The following LRBA variants were observed in gnomAD, a reference collection of about 807,000 sequenced individuals.
The protein encoded by LRBA is lipopolysaccharide-responsive and beige-like anchor protein.
In LRBA, 176 loss-of-function variants were observed where a neutral mutation model predicts 330.0. That is an observed-to-expected ratio of 0.53 (90% CI 0.47 to 0.60). The LOEUF (loss-of-function observed/expected upper bound fraction) is 0.60. LRBA is among the 20% of genes least tolerant of loss of function. The probability of loss-of-function intolerance (pLI) is 0.00; values close to 1 mark genes in which losing one functional copy is unlikely to be tolerated. For synonymous variants in LRBA, 1,230 were observed against 1,193.0 expected, an observed-to-expected ratio of 1.03 and a Z score of -0.64; for missense variants, 3,259 against 3,444.8, an observed-to-expected ratio of 0.95 and a Z score of 1.35.
At chr4:150,842,476 A>C (rs1578965800) in intron 28 of LRBA, among the ~76,000 whole-genome samples, 2 of 152,298 alleles carry the variant, frequency 1.3e-5, no homozygotes, top group South Asian at 2.1e-4. Context: ...ATTTTTAAGG[A>C]TCATTCTAGG....
intron 36 of LRBA, among the ~76,000 whole-genome samples, chr4:150,711,685 T>C (rs1786235577): frequency 6.6e-6 from 1 of 152,178 alleles, no homozygotes; most frequent in African/African-American, 2.4e-5. Flanking sequence ...TAACTATAAA[T>C]AACTATTAAA....
chr4:150,330,656 T>A (rs915389516), intron 48 of LRBA, among the ~76,000 whole-genome samples: 1 of 152,120 alleles, frequency 6.6e-6, no homozygotes, highest in Non-Finnish European at 1.5e-5. Context: ...CTGTGGCTGA[T>A]GTGACAGGGG....
At chr4:150,608,506 G>A (rs1026768530) in intron 37 of LRBA, among the ~76,000 whole-genome samples, 1 of 152,162 alleles carries the variant, frequency 6.6e-6, no homozygotes, top group South Asian at 2.1e-4. Flanking sequence ...GCAGTCAGCG[G>A]GCACCATTAT....
intron 2 of LRBA, chr4:151,013,541 A>G (rs1217093032): frequency 6.6e-6 from 1 of 152,208 alleles, no homozygotes; most frequent in Non-Finnish European, 1.5e-5. Flanking sequence ...GTAGAATTGT[A>G]TAATATATGA....
chr4:150,918,226 AC>A (rs1732863107), intron 5 of LRBA, among the ~76,000 whole-genome samples: 1 of 152,240 alleles, frequency 6.6e-6, no homozygotes, highest in Admixed American at 6.5e-5. Flanking sequence ...CTGATAAAGG[AC>A]TTGTAACCAA....
intron 2 of LRBA, among the ~76,000 whole-genome samples, chr4:150,972,426 T>C (rs1739683595): frequency 6.6e-6 from 1 of 152,162 alleles, no homozygotes; most frequent in Non-Finnish European, 1.5e-5. Flanking sequence ...GGATTTTAGA[T>C]AGATTTGGCA....
chr4:150,447,458 T>C (rs1388528599), intron 44 of LRBA, among the ~76,000 whole-genome samples: 1 of 152,160 alleles, frequency 6.6e-6, no homozygotes, highest in Non-Finnish European at 1.5e-5. Flanking sequence ...ACAGCTCATC[T>C]CATCTTTTCC....
At chr4:150,689,241 T>A (rs1392418791) in intron 36 of LRBA, among the ~76,000 whole-genome samples, 1 of 152,008 alleles carries the variant, frequency 6.6e-6, no homozygotes, top group Non-Finnish European at 1.5e-5. Context: ...TTCTCACTCA[T>A]AAGTGGGAGC....
At chr4:150,950,871 G>GC (rs1183190481) in intron 2 of LRBA, among the ~76,000 whole-genome samples, 1 of 152,096 alleles carries the variant, frequency 6.6e-6, no homozygotes, top group African/African-American at 2.4e-5. Context: ...CCTTCTACTG[G>GC]CCACAGTGAT....
At chr4:150,970,570 C>CGTGTGTGTGT (rs1739466984) in intron 2 of LRBA, 1 of 145,400 alleles carries the variant, frequency 6.9e-6, no homozygotes, top group African/African-American at 2.5e-5. Context: ...CACACACACA[C>CGTGTGTGTGT]ACACACACAC....
At chr4:150,902,377 T>TA (rs1170231016) in intron 13 of LRBA, among the ~76,000 whole-genome samples, 1 of 152,156 alleles carries the variant, frequency 6.6e-6, no homozygotes, top group Admixed American at 6.6e-5. Flanking sequence ...TCTTTTTTTT[T>TA]AATACTGATG....
chr4:151,013,251 A>G (rs1224254911), intron 2 of LRBA: 2 of 152,262 alleles, frequency 1.3e-5, no homozygotes, highest in African/African-American at 4.8e-5. Context: ...TGGTCCTGTT[A>G]TCCTCTAACA....
At chr4:151,008,300 C>T (rs1254592566) in intron 2 of LRBA, among the ~76,000 whole-genome samples, 1 of 152,036 alleles carries the variant, frequency 6.6e-6, no homozygotes, top group African/African-American at 2.4e-5. Context: ...AGGCTGGTCT[C>T]AAACTCCAGA....
intron 17 of LRBA, among the ~76,000 whole-genome samples, chr4:150,873,055 G>A (rs17027158): frequency 0.11 from 16,158 of 152,080 alleles, 1,686 homozygotes; most frequent in African/African-American, 0.28. Flanking sequence ...CTACAGGCTT[G>A]TAAATGTTCT....
chr4:150,887,641 C>T (rs1043843623), intron 17 of LRBA, among the ~76,000 whole-genome samples: 1 of 151,506 alleles, frequency 6.6e-6, no homozygotes, highest in South Asian at 2.1e-4. Context: ...TGCTGGCGGG[C>T]GCCTGTAGTC....
chr4:150,440,750 A>T (rs1751717538), intron 44 of LRBA, among the ~76,000 whole-genome samples: 1 of 151,732 alleles, frequency 6.6e-6, no homozygotes, highest in African/African-American at 2.4e-5. Context: ...ACAGAGTGAG[A>T]CCCTGTCTCA....
At chr4:150,703,884 T>C (rs996861019) in intron 36 of LRBA, among the ~76,000 whole-genome samples, 1 of 151,304 alleles carries the variant, frequency 6.6e-6, no homozygotes, top group African/African-American at 2.4e-5. Context: ...TAACTCAAAA[T>C]ATAAAGAACA....
At chr4:150,399,527 G>A (rs1379198697) in intron 47 of LRBA, among the ~76,000 whole-genome samples, 1 of 152,130 alleles carries the variant, frequency 6.6e-6, no homozygotes, top group Non-Finnish European at 1.5e-5. Flanking sequence ...TCCTCAAGCG[G>A]CTCAACATCT....
chr4:150,301,824 C>G (rs891783349), intron 53 of LRBA, among the ~76,000 whole-genome samples: 7 of 152,130 alleles, frequency 4.6e-5, no homozygotes, highest in Admixed American at 4.6e-4. Flanking sequence ...TATTTAAGAG[C>G]AGTTAAAATG....
Sources: allele counts gnomAD v4.1 joint callset (sites outside exome capture counted in the v4.1 genomes callset), GRCh38; gene constraint gnomAD v4.1.1; transcripts MANE v1.5; gene names NCBI Gene and HGNC (gene_info 2026-07-23, HGNC 2026-07-21).